SBF2: variants seen among roughly 807,000 people sequenced by gnomAD.
SBF2 encodes myotubularin-related protein 13.
A neutral mutation model predicts 225.2 loss-of-function variants in SBF2; 112 were observed. The observed-to-expected ratio is 0.50, with a 90% CI of 0.43 to 0.58. The LOEUF is 0.58. Ranked by LOEUF, SBF2 falls within the 20% of genes least tolerant of loss-of-function variation. The pLI is 0.00. For synonymous variants in SBF2, 763 were observed against 773.3 expected, an observed-to-expected ratio of 0.99 and a Z score of 0.22; for missense variants, 1,996 against 2,206.2, an observed-to-expected ratio of 0.90 and a Z score of 1.91.
At chr11:10,241,905 T>C (rs1329253787) in intron 1 of SBF2, among the ~76,000 whole-genome samples, 2 of 151,512 alleles carry the variant, frequency 1.3e-5, no homozygotes, top group East Asian at 2.0e-4. Context: ...AAAGAAAGAG[T>C]AAGGTGAGTG....
chr11:10,099,187 A>C (rs1952175615), intron 2 of SBF2, among the ~76,000 whole-genome samples: 1 of 152,192 alleles, frequency 6.6e-6, no homozygotes, highest in African/African-American at 2.4e-5. Context: ...CCAGAAGTTA[A>C]AGACAAAGTA....
chr11:9,873,878 G>A (rs527609390), intron 17 of SBF2, among the ~76,000 whole-genome samples: 4 of 152,094 alleles, frequency 2.6e-5, no homozygotes, highest in East Asian at 1.9e-4. Flanking sequence ...GTGACACCCC[G>A]TCTCTACTAA....
chr11:9,874,782 G>C (rs1564942078), intron 17 of SBF2, among the ~76,000 whole-genome samples: 1 of 152,288 alleles, frequency 6.6e-6, no homozygotes, highest in East Asian at 1.9e-4. Context: ...TATTGGATAA[G>C]TCACCTAAGC....
chr11:10,026,367 G>A (rs1267806446), intron 6 of SBF2, among the ~76,000 whole-genome samples: 1 of 152,114 alleles, frequency 6.6e-6, no homozygotes. Flanking sequence ...AATGGTTCTT[G>A]GCTAAAATCA....
intron 2 of SBF2, among the ~76,000 whole-genome samples, chr11:10,090,898 T>C (rs1386090249): frequency 6.6e-6 from 1 of 152,072 alleles, no homozygotes; most frequent in Non-Finnish European, 1.5e-5. Context: ...TCTTCTTCAA[T>C]TTCCAGCTCC....
intron 16 of SBF2, among the ~76,000 whole-genome samples, chr11:9,932,544 G>A (rs947951752): frequency 7.2e-5 from 11 of 152,124 alleles, no homozygotes; most frequent in Admixed American, 1.3e-4. Flanking sequence ...CTTCATAAAT[G>A]AAGGAGAAAT....
chr11:10,113,425 A>G (rs1158077358), intron 2 of SBF2, among the ~76,000 whole-genome samples: 3 of 152,228 alleles, frequency 2.0e-5, no homozygotes, highest in Admixed American at 6.5e-5. Context: ...GTTTCATCTG[A>G]TATTTTTCTA....
At chr11:10,173,048 T>C (rs530838140) in intron 2 of SBF2, among the ~76,000 whole-genome samples, 6 of 152,324 alleles carry the variant, frequency 3.9e-5, no homozygotes, top group East Asian at 1.9e-4. Flanking sequence ...TTGTATAGTT[T>C]CCAAAATTCC....
chr11:9,797,727 T>C (rs1853213770), intron 32 of SBF2, among the ~76,000 whole-genome samples: 1 of 152,320 alleles, frequency 6.6e-6, no homozygotes, highest in East Asian at 1.9e-4. Context: ...CCCAGCACCT[T>C]TGGGGGACCA....
chr11:10,237,141 G>GT (rs1314736903), intron 1 of SBF2, among the ~76,000 whole-genome samples: 1 of 146,566 alleles, frequency 6.8e-6, no homozygotes, highest in Admixed American at 6.8e-5. Context: ...GAGGCCAGGA[G>GT]TTTGAGACCA....
chr11:9,887,263 TGTTA>T (rs1860410549), intron 17 of SBF2, among the ~76,000 whole-genome samples: 1 of 151,880 alleles, frequency 6.6e-6, no homozygotes, highest in African/African-American at 2.4e-5. Context: ...TTAAAAATAC[TGTTA>T]ATTATTCACT....
At chr11:9,831,827 T>A (rs1484572354) in intron 27 of SBF2, among the ~76,000 whole-genome samples, 2 of 152,202 alleles carry the variant, frequency 1.3e-5, no homozygotes, top group Non-Finnish European at 1.5e-5. Context: ...ATATCTCATA[T>A]CACATGGCAC....
intron 16 of SBF2, among the ~76,000 whole-genome samples, chr11:9,910,625 G>T (rs9919633): frequency 0.53 from 79,916 of 151,648 alleles, 21,627 homozygotes; most frequent in African/African-American, 0.61. Flanking sequence ...ACAGTGATAT[G>T]GATGATCCTG....
At chr11:10,117,588 T>C (rs1444462248) in intron 2 of SBF2, among the ~76,000 whole-genome samples, 1 of 152,198 alleles carries the variant, frequency 6.6e-6, no homozygotes, top group African/African-American at 2.4e-5. Flanking sequence ...TCCTCTTTCC[T>C]GATCAGACTG....
At chr11:10,263,101 C>T (rs770196379) in intron 1 of SBF2, among the ~76,000 whole-genome samples, 2 of 151,962 alleles carry the variant, frequency 1.3e-5, no homozygotes, top group Non-Finnish European at 2.9e-5. Flanking sequence ...ATCTTAAAAT[C>T]TCCTCCTTAT....
rs552421488 is a variant in SBF2 at position 9,930,159 on chromosome 11, A to T, written c.1860+31798T>A. Among the ~76,000 whole-genome samples the T allele has an allele frequency of 5.4e-4, 82 of 152,300 alleles. 1 individual carries two copies. The highest frequency in any genetic ancestry group is 1.6e-3 in the African/African-American group (68 of 41,550). ...CTCAGAAATTAATATAAAGAATTTT[A>T]AAAAAAGTACAAACAGGTGAAAAAA... On this transcript the variant is annotated intron_variant, in intron 16 of 39. Transcript: ENST00000256190.
intron 17 of SBF2, among the ~76,000 whole-genome samples, chr11:9,894,711 T>C (rs1480208944): frequency 1.3e-5 from 2 of 151,782 alleles, no homozygotes; most frequent in Non-Finnish European, 2.9e-5. Flanking sequence ...CCAGGCGCAG[T>C]AGCTCATGCC....
At chr11:10,166,462 G>A (rs771710528) in intron 2 of SBF2, among the ~76,000 whole-genome samples, 12 of 151,980 alleles carry the variant, frequency 7.9e-5, no homozygotes, top group South Asian at 4.2e-4. Flanking sequence ...CAGGGGAAGG[G>A]ACCACAAGAG....
chr11:10,047,545 T>G (rs560378226), intron 2 of SBF2, among the ~76,000 whole-genome samples: 1 of 152,268 alleles, frequency 6.6e-6, no homozygotes, highest in East Asian at 1.9e-4. Context: ...ACGTAAATGT[T>G]AGGTATTATG....
Sources: allele counts gnomAD v4.1 joint callset (sites outside exome capture counted in the v4.1 genomes callset), GRCh38; gene constraint gnomAD v4.1.1; transcripts MANE v1.5; gene names NCBI Gene and HGNC (gene_info 2026-07-23, HGNC 2026-07-21).